The following HDAC9 variants were observed in gnomAD, a reference collection of about 807,000 sequenced individuals.
The protein encoded by HDAC9 is histone deacetylase 9.
In HDAC9, 41 loss-of-function variants were observed where a neutral mutation model predicts 139.4. The ratio of observed to expected loss-of-function variants is 0.29; its 90% CI spans 0.23 to 0.38. HDAC9 has a LOEUF of 0.38. Ranked by LOEUF, HDAC9 falls within the 10% of genes least tolerant of loss-of-function variation. HDAC9 has a pLI of 1.00. For missense variants in HDAC9, 1,147 were observed against 1,297.0 expected (o/e 0.88, Z 1.78); for synonymous variants, 517 against 476.2 (o/e 1.09, Z -1.12).
chr7:18,113,889 T>G (rs554640507), intron 1 of HDAC9, among the ~76,000 whole-genome samples: 1 of 152,286 alleles, frequency 6.6e-6, no homozygotes, highest in South Asian at 2.1e-4. Context: ...TTCATAGAGA[T>G]TGGTATTGAT....
intron 1 of HDAC9, among the ~76,000 whole-genome samples, chr7:18,366,144 G>A (rs889210918): frequency 2.5e-4 from 38 of 151,974 alleles, no homozygotes; most frequent in African/African-American, 8.0e-4. Flanking sequence ...CTTAATTTCC[G>A]TTGCTTTATG....
intron 21 of HDAC9, among the ~76,000 whole-genome samples, chr7:18,854,763 T>C (rs1300236402): frequency 1.3e-5 from 2 of 151,980 alleles, no homozygotes; most frequent in Non-Finnish European, 2.9e-5. Context: ...AAGGAGCCAC[T>C]ACAGCAAGAA....
intron 2 of HDAC9, among the ~76,000 whole-genome samples, chr7:18,549,066 C>A (rs1482488348): frequency 6.6e-6 from 1 of 152,038 alleles, no homozygotes; most frequent in Non-Finnish European, 1.5e-5. Flanking sequence ...GGTGAAACCC[C>A]ATCTCTACTA....
intron 24 of HDAC9, among the ~76,000 whole-genome samples, chr7:18,956,384 T>G (rs148990705): frequency 4.3e-4 from 65 of 152,286 alleles, no homozygotes; most frequent in African/African-American, 1.5e-3. Flanking sequence ...CTCTGGTTGC[T>G]AAATTAGAGG....
At chr7:18,419,033 T>A (rs1789365537) in intron 1 of HDAC9, among the ~76,000 whole-genome samples, 1 of 152,236 alleles carries the variant, frequency 6.6e-6, no homozygotes, top group Non-Finnish European at 1.5e-5. Flanking sequence ...TCTGAATGGC[T>A]AACTTGTGTC....
intron 1 of HDAC9, chr7:18,327,493 A>G (rs377726859): frequency 6.6e-6 from 1 of 151,876 alleles, no homozygotes; most frequent in Admixed American, 6.6e-5. Context: ...AAGCCAAAAC[A>G]TGGAATATTA....
At chr7:18,616,986 A>T (rs73309462) in intron 6 of HDAC9, among the ~76,000 whole-genome samples, 4,159 of 152,292 alleles carry the variant, frequency 0.027, 193 homozygotes, top group African/African-American at 0.095. Context: ...GAACAATGTG[A>T]TTCCCTAAAG....
intron 16 of HDAC9, among the ~76,000 whole-genome samples, chr7:18,786,454 TTTCCTTCCTTCCTTTCGTCC>T (rs1791729181): frequency 1.9e-5 from 1 of 52,204 alleles, no homozygotes; most frequent in Non-Finnish European, 6.5e-5. Context: ...CCCATCGCCC[TTTCCTTCCTTCCTTTCGTCC>T]TTCCTTCCTT....
At chr7:18,961,835 A>G (rs1783545595) in intron 24 of HDAC9, among the ~76,000 whole-genome samples, 1 of 152,230 alleles carries the variant, frequency 6.6e-6, no homozygotes, top group Non-Finnish European at 1.5e-5. Context: ...AAGCAAGATC[A>G]TAAACCAAGC....
chr7:18,235,199 A>G (rs952289943), intron 2 of HDAC9, among the ~76,000 whole-genome samples: 3 of 152,172 alleles, frequency 2.0e-5, no homozygotes, highest in African/African-American at 7.2e-5. Flanking sequence ...TTTTGCTTAA[A>G]TGAAAACATT....
At chr7:18,679,921 G>C (rs1319020873) in intron 12 of HDAC9, among the ~76,000 whole-genome samples, 1 of 151,860 alleles carries the variant, frequency 6.6e-6, no homozygotes, top group Non-Finnish European at 1.5e-5. Context: ...AAAGTGCCTT[G>C]CAGTCTTCTA....
intron 11 of HDAC9, among the ~76,000 whole-genome samples, chr7:18,660,702 C>G (rs2129059644): frequency 6.6e-6 from 1 of 152,104 alleles, no homozygotes; most frequent in Non-Finnish European, 1.5e-5. Context: ...AAGAAGGAGC[C>G]AGTCAGGCAT....
At chr7:18,095,579 A>C (rs1417647453) in intron 1 of HDAC9, among the ~76,000 whole-genome samples, 2 of 152,148 alleles carry the variant, frequency 1.3e-5, no homozygotes, top group Non-Finnish European at 2.9e-5. Flanking sequence ...CTCCAAATAA[A>C]ACACCACAGG....
At chr7:18,395,139 G>T (rs1786899583) in intron 1 of HDAC9, 1 of 152,094 alleles carries the variant, frequency 6.6e-6, no homozygotes, top group Admixed American at 6.5e-5. Context: ...ATGCTGTGGT[G>T]TATGGAGACA....
chr7:18,513,358 C>T (rs1044573974), intron 2 of HDAC9, among the ~76,000 whole-genome samples: 9 of 151,990 alleles, frequency 5.9e-5, no homozygotes, highest in African/African-American at 1.4e-4. Flanking sequence ...TCTATGAGTA[C>T]GATAGAGTGA....
chr7:18,153,131 A>G (rs1186828464), intron 1 of HDAC9, among the ~76,000 whole-genome samples: 1 of 152,186 alleles, frequency 6.6e-6, no homozygotes, highest in Admixed American at 6.5e-5. Context: ...AAAGGGGCCA[A>G]ATAACCAGTG....
chr7:18,293,483 G>A (rs1267176989), intron 1 of HDAC9, among the ~76,000 whole-genome samples: 2 of 152,038 alleles, frequency 1.3e-5, no homozygotes, highest in Non-Finnish European at 2.9e-5. Flanking sequence ...ACAGGAAGGG[G>A]AACATCACAC....
chr7:18,226,271 C>G (rs1224595655), intron 2 of HDAC9, among the ~76,000 whole-genome samples: 1 of 152,076 alleles, frequency 6.6e-6, no homozygotes, highest in Non-Finnish European at 1.5e-5. Flanking sequence ...TAATATTAAA[C>G]CCCAGAATCA....
chr7:18,439,895 T>A (rs1791588061), intron 1 of HDAC9, among the ~76,000 whole-genome samples: 1 of 152,126 alleles, frequency 6.6e-6, no homozygotes, highest in Non-Finnish European at 1.5e-5. Flanking sequence ...GGTAAAAAAA[T>A]TCAAATCTTC....
Sources: gnomAD v4.1 joint callset for allele counts (sites outside exome capture counted in the v4.1 genomes callset) on GRCh38, gnomAD v4.1.1 for gene constraint, MANE v1.5 for transcripts, NCBI Gene and HGNC (gene_info 2026-07-23, HGNC 2026-07-21) for gene names.